ABCC9: variants seen among roughly 807,000 people sequenced by gnomAD.
ABCC9 encodes ATP binding cassette subfamily C member 9.
ABCC9 carries 95 observed loss-of-function variants against 188.3 expected under a neutral mutation model. The ratio of observed to expected loss-of-function variants is 0.50; its 90% confidence interval spans 0.43 to 0.60. The LOEUF (loss-of-function observed/expected upper bound fraction) is 0.60. ABCC9 is among the 20% of genes least tolerant of loss of function. The probability of loss-of-function intolerance (pLI) is 0.00; values close to 1 mark genes in which losing one functional copy is unlikely to be tolerated. For missense variants in ABCC9, 1,102 were observed against 1,876.3 expected, an observed-to-expected ratio of 0.59 and a Z score of 7.62; for synonymous variants, 659 against 652.7, an observed-to-expected ratio of 1.01 and a Z score of -0.15.
intron 17 of ABCC9, among the ~76,000 whole-genome samples, chr12:21,873,826 A>G (rs1201051418): frequency 2.6e-5 from 4 of 152,102 alleles, no homozygotes; most frequent in Admixed American, 6.5e-5. Flanking sequence ...ACACAAAAGA[A>G]TAAAATTGGA....
At chr12:21,900,042 T>C (rs1025133206) in intron 12 of ABCC9, among the ~76,000 whole-genome samples, 11 of 152,198 alleles carry the variant, frequency 7.2e-5, no homozygotes, top group Admixed American at 7.2e-4. Context: ...CCAAGTAGCC[T>C]AACTGGGAGG....
intron 30 of ABCC9, among the ~76,000 whole-genome samples, chr12:21,835,734 T>C (rs1944039365): frequency 6.6e-6 from 1 of 152,144 alleles, no homozygotes; most frequent in Non-Finnish European, 1.5e-5. Context: ...CCCTCAGCAA[T>C]CAAATCCATG....
rs113837759 is a variant in ABCC9, at chr12:21,797,499, G to A, written c.*3545C>T. The A allele has an allele frequency of 2.6e-3, 396 of 152,238 alleles. 3 individuals are homozygous for A. The highest frequency in any genetic ancestry group is 8.9e-3 in the African/African-American group (368 of 41,530). The allele number at this position is 152,238 out of a possible 1,614,324, so 9.4% of individuals were successfully genotyped here. A position where few individuals can be genotyped will look rare whatever the true frequency, so the allele number is the denominator to read the frequency against. Reference sequence around the variant, plus strand: ...AGAGAACAAATACATTTTATATATTGTAGAGAATAAATAGAATAAACACAA... The same window carrying A: ...AGAGAACAAATACATTTTATATATTATAGAGAATAAATAGAATAAACACAA... On this transcript the variant is annotated 3_prime_UTR_variant, in exon 40 of 40. Transcript: ENST00000261200.
At position 21,825,304 on chromosome 12, in the gene ABCC9, A is replaced by G. The variant is rs112954404; in HGVS notation, c.3669+3654T>C. On this transcript the variant is annotated intron_variant, in intron 31 of 39. Coordinates refer to ENST00000261200, the MANE Select transcript of ABCC9 (RefSeq NM_020297.4). ...AATCCCATTACTGGGTATATACTCA[A>G]AGGATTATAAATCATTCTACTATAA... Among the ~76,000 whole-genome samples, 469 of 152,310 alleles carry G rather than the reference A, an allele frequency of 3.1e-3. 2 individuals are homozygous for G. The highest frequency in any genetic ancestry group is 0.011 in the African/African-American group (439 of 41,556).
At chr12:21,864,066 C>T (rs945064478) in intron 19 of ABCC9, among the ~76,000 whole-genome samples, 8 of 151,836 alleles carry the variant, frequency 5.3e-5, no homozygotes, top group Admixed American at 5.3e-4. Flanking sequence ...AGATAAAGCA[C>T]TTGGCTCTTC....
chr12:21,885,754 G>T (rs187393083), intron 15 of ABCC9, among the ~76,000 whole-genome samples: 2 of 151,942 alleles, frequency 1.3e-5, no homozygotes, highest in African/African-American at 4.8e-5. Flanking sequence ...AATCACACCC[G>T]TTCAGTAAAA....
chr12:21,812,680 C>T (rs1441114343), intron 35 of ABCC9, among the ~76,000 whole-genome samples: 8 of 152,072 alleles, frequency 5.3e-5, no homozygotes, highest in Admixed American at 4.6e-4. Flanking sequence ...TGGGGAACAT[C>T]ACACACTGGG....
At chr12:21,885,195 T>A (rs1201511876) in intron 15 of ABCC9, among the ~76,000 whole-genome samples, 2 of 152,158 alleles carry the variant, frequency 1.3e-5, no homozygotes, top group Non-Finnish European at 2.9e-5. Context: ...ACATAGTATC[T>A]TAAGCACTCT....
chr12:21,919,080 T>C (rs545493162), intron 5 of ABCC9, among the ~76,000 whole-genome samples: 1 of 152,018 alleles, frequency 6.6e-6, no homozygotes, highest in Non-Finnish European at 1.5e-5. Flanking sequence ...AATTTACAGC[T>C]TTAGATATTT....
rs530645656 is a variant in ABCC9, at chr12:21,861,064, G to T, written c.2340-9C>A. On this transcript the variant is annotated splice_polypyrimidine_tract_variant and intron_variant, in intron 20 of 39. Transcript: ENST00000261200. ...CTGTGACAGCTTTGTACCTTTGGGAGAAATGATTTTGAATTTTTAGATCTC... is the reference window on the plus strand; with the variant it reads ...CTGTGACAGCTTTGTACCTTTGGGATAAATGATTTTGAATTTTTAGATCTC... The T allele has an allele frequency of 3.4e-5, 54 of 1,610,280 alleles. No homozygotes were observed. Among genetic ancestry groups the T allele is most frequent in the Middle Eastern group, 1.6e-4 (1 of 6,078 alleles).
chr12:21,868,715 C>T (rs2137554012), intron 18 of ABCC9, among the ~76,000 whole-genome samples: 1 of 152,152 alleles, frequency 6.6e-6, no homozygotes, highest in Non-Finnish European at 1.5e-5. Flanking sequence ...TATTTGGTGT[C>T]TTACCATATC....
Position 21,869,707 on chromosome 12 carries a change from C to CA in ABCC9, c.2198+2917dup, listed in dbSNP as rs1330114661. On this transcript the variant is annotated intron_variant, in intron 18 of 39. Coordinates refer to ENST00000261200, the MANE Select transcript of ABCC9 (RefSeq NM_020297.4). The stretch of plus-strand genomic sequence containing the variant: ...TTGCCTTGTTTTATCATTGTCACAG[C>CA]ATTTATCAAAGTCTAATATTATGTC... 2 of 152,180 alleles carry CA rather than the reference C, an allele frequency of 1.3e-5. 1 individual carries two copies. The highest frequency in any genetic ancestry group is 4.8e-5 in the African/African-American group (2 of 41,452). 9.4% of individuals were successfully genotyped at this position (152,180 alleles called of 1,614,324 possible).
Position 21,875,718 on chromosome 12 carries a change from AT to A in ABCC9, c.2027del (p.Asn676MetfsTer10). On this transcript the variant is annotated frameshift_variant, in exon 17 of 40. Transcript: ENST00000261200. LOFTEE classifies it high-confidence loss of function. ...ETEDIAIKVT[N>X]GYFSWGSGLA... The stretch of plus-strand genomic sequence containing the variant: ...AACCACTGCCCCATGAAAAGTATCC[AT>A]TTGTGACCTACAAAATAAAAATACA... 1 of 1,609,270 alleles carries A rather than the reference AT, an allele frequency of 6.2e-7. No individual in the cohort carries two copies. The highest frequency in any genetic ancestry group is 2.2e-5 in the East Asian group (1 of 44,820).
chr12:21,859,463 A>AAAG, intron 22 of ABCC9, 123 bp downstream of exon 22: 2 of 934,548 alleles, frequency 2.1e-6, no homozygotes, highest in South Asian at 2.6e-5. Flanking sequence ...TTTCCCCTAT[A>AAAG]TACTTTACGA....
chr12:21,885,179 C>T (rs1043544007), intron 15 of ABCC9, among the ~76,000 whole-genome samples: 4 of 152,134 alleles, frequency 2.6e-5, no homozygotes, highest in African/African-American at 9.7e-5. Flanking sequence ...TAAGCTTTTA[C>T]AGAATACATA....
intron 37 of ABCC9, among the ~76,000 whole-genome samples, chr12:21,808,673 T>TA (rs1942021710): frequency 6.7e-6 from 1 of 149,484 alleles, no homozygotes; most frequent in African/African-American, 2.5e-5. Flanking sequence ...GAGGCTGAGG[T>TA]AGGAGGATCA....
chr12:21,875,444 A>G (rs2137600726), intron 17 of ABCC9, among the ~76,000 whole-genome samples: 1 of 152,290 alleles, frequency 6.6e-6, no homozygotes, highest in East Asian at 1.9e-4. Context: ...TAATTGTCCA[A>G]AGGTATAGAC....
rs1172604365 is a variant in ABCC9 at position 21,908,118 on chromosome 12, A to G, written c.1414T>C (p.Phe472Leu). Residue 472 changes from phenylalanine to leucine, a missense_variant, in exon 11 of 40, where the codon TTT (phenylalanine) becomes CTT (leucine). Physicochemically the swap from Phe to Leu is conservative, Grantham distance 22. This residue lies in a region of ABCC9 where 305 missense variants were observed against 573.0 expected (regional missense o/e 0.53). Coordinates refer to ENST00000261200, the MANE Select transcript of ABCC9 (RefSeq NM_020297.4). ...GCCTCTGCCAACTTTGTAGCAATAA[A>G]GTACTGAATTGGCGCAAGGAGCACA... is the stretch of plus-strand genomic sequence containing the variant. ...VIVLLAPIQYFIATKLAEAQK... is the reference protein window; with the variant it reads ...VIVLLAPIQYLIATKLAEAQK... 1 of 1,612,680 alleles carries G rather than the reference A, an allele frequency of 6.2e-7. No homozygotes were observed. The highest frequency in any genetic ancestry group is 8.5e-7 in the Non-Finnish European group (1 of 1,179,048).
At chr12:21,925,303 A>G in intron 5 of ABCC9, 1 of 508,380 alleles carries the variant, frequency 2.0e-6, no homozygotes, top group Non-Finnish European at 3.5e-6. Flanking sequence ...AATTAGGAAT[A>G]TTTTAGAGAG....
Sources: allele counts gnomAD v4.1 joint callset (sites outside exome capture counted in the v4.1 genomes callset), GRCh38; gene constraint gnomAD v4.1.1; regional missense constraint gnomAD v4.1.1; transcripts MANE v1.5; gene names NCBI Gene and HGNC (gene_info 2026-07-23, HGNC 2026-07-21).